The following DSCAM variants were observed in gnomAD, a reference collection of about 807,000 sequenced individuals.
DSCAM encodes cell adhesion molecule DSCAM.
Under a neutral mutation model 217.7 loss-of-function variants are expected in DSCAM, and 47 were observed. The ratio of observed to expected loss-of-function variants is 0.22; its 90% CI spans 0.17 to 0.28. The LOEUF (loss-of-function observed/expected upper bound fraction) is 0.28. Ranked by LOEUF, DSCAM falls within the 10% of genes least tolerant of loss-of-function variation. The pLI is 1.00. For synonymous variants in DSCAM, 1,056 were observed against 1,015.3 expected (o/e 1.04, Z -0.76); for missense variants, 2,080 against 2,618.3 (o/e 0.79, Z 4.49).
chr21:40,447,691 C>T (rs2075686032), intron 3 of DSCAM, among the ~76,000 whole-genome samples: 1 of 152,222 alleles, frequency 6.6e-6, no homozygotes, highest in Admixed American at 6.5e-5. Flanking sequence ...GAATACAATA[C>T]ATTTGTACTT....
intron 11 of DSCAM, among the ~76,000 whole-genome samples, chr21:40,260,550 G>A (rs1601493838): frequency 6.6e-6 from 1 of 152,320 alleles, no homozygotes; most frequent in South Asian, 2.1e-4. Context: ...TCCCTGCAGA[G>A]GGTCACACCT....
chr21:40,197,243 C>T (rs1189957792), intron 11 of DSCAM, among the ~76,000 whole-genome samples: 6 of 152,094 alleles, frequency 3.9e-5, no homozygotes, highest in Admixed American at 1.3e-4. Flanking sequence ...CTCAGCCTCC[C>T]GAGTAGCTGG....
At chr21:40,371,466 A>G (rs1451219145) in intron 3 of DSCAM, among the ~76,000 whole-genome samples, 1 of 151,614 alleles carries the variant, frequency 6.6e-6, no homozygotes, top group East Asian at 1.9e-4. Context: ...TCACCTTCTT[A>G]GCGTGGAGTA....
intron 21 of DSCAM, among the ~76,000 whole-genome samples, chr21:40,090,005 G>A (rs948205420): frequency 4.6e-5 from 7 of 152,072 alleles, no homozygotes; most frequent in African/African-American, 1.4e-4. Context: ...TCCCTGCAAC[G>A]ATGGCTTCCT....
At chr21:40,515,390 T>G (rs992691447) in intron 3 of DSCAM, among the ~76,000 whole-genome samples, 6 of 152,198 alleles carry the variant, frequency 3.9e-5, no homozygotes, top group Non-Finnish European at 5.9e-5. Flanking sequence ...TGCTTTCCCT[T>G]TCTCTCATTC....
At chr21:40,336,746 TTTTA>T (rs1475783643) in intron 8 of DSCAM, among the ~76,000 whole-genome samples, 1 of 152,206 alleles carries the variant, frequency 6.6e-6, no homozygotes, top group Non-Finnish European at 1.5e-5. Flanking sequence ...TATTCACTTG[TTTTA>T]TTTGTTTATT....
At chr21:40,141,716 G>A (rs1459491509) in intron 18 of DSCAM, among the ~76,000 whole-genome samples, 1 of 152,116 alleles carries the variant, frequency 6.6e-6, no homozygotes, top group Admixed American at 6.5e-5. Context: ...GGAGGCAGGT[G>A]TGGGCCCCCC....
intron 11 of DSCAM, among the ~76,000 whole-genome samples, chr21:40,216,228 C>T (rs1178901900): frequency 6.6e-6 from 1 of 151,796 alleles, no homozygotes. Context: ...GCCGTCTGCC[C>T]AAGTAGCTAA....
At chr21:40,216,891 C>T (rs979405540) in intron 11 of DSCAM, among the ~76,000 whole-genome samples, 2 of 152,168 alleles carry the variant, frequency 1.3e-5, no homozygotes, top group Non-Finnish European at 2.9e-5. Context: ...TTTTCTTGGC[C>T]GAGAATCTCA....
At chr21:40,410,833 C>T (rs2075316314) in intron 3 of DSCAM, among the ~76,000 whole-genome samples, 1 of 151,642 alleles carries the variant, frequency 6.6e-6, no homozygotes, top group Admixed American at 6.6e-5. Flanking sequence ...GAAGTCATTG[C>T]CCACAGACCT....
At chr21:40,758,005 C>T (rs990592379) in intron 1 of DSCAM, among the ~76,000 whole-genome samples, 12 of 152,126 alleles carry the variant, frequency 7.9e-5, no homozygotes, top group African/African-American at 2.9e-4. Context: ...TTACAATGAT[C>T]TCTAATTCAA....
intron 3 of DSCAM, among the ~76,000 whole-genome samples, chr21:40,606,668 C>T (rs1400975382): frequency 6.6e-6 from 1 of 152,156 alleles, no homozygotes; most frequent in African/African-American, 2.4e-5. Flanking sequence ...GCTGAGCAGC[C>T]CACTTCTGTA....
At chr21:40,099,411 A>AG (rs1248989137) in intron 20 of DSCAM, among the ~76,000 whole-genome samples, 1 of 152,212 alleles carries the variant, frequency 6.6e-6, no homozygotes, top group African/African-American at 2.4e-5. Flanking sequence ...AAAAATAATA[A>AG]CGTCAAGCTG....
intron 3 of DSCAM, among the ~76,000 whole-genome samples, chr21:40,587,635 A>G (rs1372684398): frequency 6.6e-6 from 1 of 152,242 alleles, no homozygotes; most frequent in Non-Finnish European, 1.5e-5. Flanking sequence ...AATCATTTAA[A>G]TAGTAAGAGT....
At chr21:40,603,626 T>G (rs546278410) in intron 3 of DSCAM, among the ~76,000 whole-genome samples, 1 of 152,328 alleles carries the variant, frequency 6.6e-6, no homozygotes, top group South Asian at 2.1e-4. Flanking sequence ...TCCCTCAATT[T>G]TTTTGTGTCT....
chr21:40,674,050 A>G (rs994940760), intron 3 of DSCAM, among the ~76,000 whole-genome samples: 2 of 152,252 alleles, frequency 1.3e-5, no homozygotes, highest in African/African-American at 4.8e-5. Context: ...TTCGTGCTGC[A>G]TGGAACTGGG....
At chr21:40,282,236 C>T (rs777499131) in intron 10 of DSCAM, among the ~76,000 whole-genome samples, 12 of 151,922 alleles carry the variant, frequency 7.9e-5, no homozygotes, top group Admixed American at 2.6e-4. Flanking sequence ...AGATTTAGTC[C>T]AATACACACA....
At chr21:40,503,033 T>G (rs530585539) in intron 3 of DSCAM, among the ~76,000 whole-genome samples, 20 of 152,344 alleles carry the variant, frequency 1.3e-4, no homozygotes, top group African/African-American at 4.6e-4. Flanking sequence ...TGCTGACAAT[T>G]AGAACCATAG....
At chr21:40,587,954 T>C (rs572730287) in intron 3 of DSCAM, among the ~76,000 whole-genome samples, 3 of 152,348 alleles carry the variant, frequency 2.0e-5, no homozygotes, top group South Asian at 4.1e-4. Context: ...ACTGGTGCAC[T>C]GCTGCCCACA....
Sources: gnomAD v4.1 joint callset for allele counts (sites outside exome capture counted in the v4.1 genomes callset) on GRCh38, gnomAD v4.1.1 for gene constraint, MANE v1.5 for transcripts, NCBI Gene and HGNC (gene_info 2026-07-23, HGNC 2026-07-21) for gene names.